Variants in ANKS1B observed in about 807,000 individuals in gnomAD.
ANKS1B encodes the protein ankyrin repeat and sterile alpha motif domain containing 1B.
In ANKS1B, 36 loss-of-function variants were observed where a neutral mutation model predicts 148.3. The ratio of observed to expected loss-of-function variants is 0.24; its 90% confidence interval spans 0.19 to 0.32. ANKS1B has a LOEUF of 0.32. ANKS1B is among the 10% of genes least tolerant of loss of function. The pLI is 1.00. For missense variants in ANKS1B, 1,157 were observed against 1,542.6 expected, an observed-to-expected ratio of 0.75 and a Z score of 4.19; for synonymous variants, 542 against 560.8, an observed-to-expected ratio of 0.97 and a Z score of 0.47.
intron 16 of ANKS1B, among the ~76,000 whole-genome samples, chr12:99,064,470 TA>T (rs56006251): frequency 0.53 from 81,146 of 152,020 alleles, 23,429 homozygotes; most frequent in East Asian, 0.74. Context: ...TCATCAGGGA[TA>T]GGGGCACGCC....
At chr12:99,946,411 A>G (rs1388178190) in intron 1 of ANKS1B, among the ~76,000 whole-genome samples, 3 of 152,260 alleles carry the variant, frequency 2.0e-5, no homozygotes, top group Non-Finnish European at 4.4e-5. Flanking sequence ...TGGTGTGCAG[A>G]TGGCCACCTT....
intron 25 of ANKS1B, among the ~76,000 whole-genome samples, chr12:98,752,412 C>G (rs1001607531): frequency 6.6e-6 from 1 of 152,100 alleles, no homozygotes; most frequent in Non-Finnish European, 1.5e-5. Context: ...GCACGTGCCA[C>G]CACGCCCAGC....
intron 9 of ANKS1B, among the ~76,000 whole-genome samples, chr12:99,576,094 G>A (rs1398093429): frequency 6.6e-6 from 1 of 152,040 alleles, no homozygotes; most frequent in Non-Finnish European, 1.5e-5. Context: ...GGCAGAGGTT[G>A]CTATTCTTAT....
chr12:99,659,668 GTGTA>G (rs2098466686), intron 8 of ANKS1B, among the ~76,000 whole-genome samples: 1 of 118,472 alleles, frequency 8.4e-6, no homozygotes, highest in African/African-American at 3.0e-5. Flanking sequence ...GTGTGCATGT[GTGTA>G]TGTGTAAATT....
chr12:99,574,833 C>G (rs79623418), intron 9 of ANKS1B, among the ~76,000 whole-genome samples: 2,094 of 152,132 alleles, frequency 0.014, 57 homozygotes, highest in African/African-American at 0.048. Flanking sequence ...TGATGAAAAG[C>G]TGAATGTTTT....
Position 99,314,659 on chromosome 12 carries a change from C to G in ANKS1B, c.1757-67795G>C, listed in dbSNP as rs182271707. Among the ~76,000 whole-genome samples, 367 of 152,160 alleles carry G rather than the reference C, an allele frequency of 2.4e-3. 1 individual carries two copies. The highest frequency in any genetic ancestry group is 3.6e-3 in the Non-Finnish European group (243 of 67,996). ...CTTTGACAAGCCTGACAAAAAAAAGCAATAGGGAAATGATTTCCTATTCAA... is the reference window on the plus strand; with the variant it reads ...CTTTGACAAGCCTGACAAAAAAAAGGAATAGGGAAATGATTTCCTATTCAA... On this transcript the variant is annotated intron_variant, in intron 12 of 26. Transcript: ENST00000683438.
intron 19 of ANKS1B, among the ~76,000 whole-genome samples, chr12:98,826,993 A>G (rs1422429644): frequency 6.6e-6 from 1 of 152,228 alleles, no homozygotes; most frequent in Non-Finnish European, 1.5e-5. Flanking sequence ...AAAAAAACAA[A>G]CATCAATTGA....
intron 12 of ANKS1B, among the ~76,000 whole-genome samples, chr12:99,277,479 T>C (rs1353268938): frequency 6.6e-6 from 1 of 152,192 alleles, no homozygotes; most frequent in African/African-American, 2.4e-5. Context: ...AAGAATATTG[T>C]TTATTGGAGA....
chr12:99,350,264 C>T (rs1045472749), intron 12 of ANKS1B, among the ~76,000 whole-genome samples: 3 of 152,020 alleles, frequency 2.0e-5, no homozygotes, highest in Non-Finnish European at 4.4e-5. Context: ...GCCTCTCCAG[C>T]TATGCTTCCT....
intron 17 of ANKS1B, 76 bp downstream of exon 17, chr12:99,053,081 C>T: frequency 7.4e-7 from 1 of 1,345,884 alleles, no homozygotes; most frequent in East Asian, 2.6e-5. Flanking sequence ...GATGTCCAAA[C>T]ACTTATAAAA....
intron 8 of ANKS1B, among the ~76,000 whole-genome samples, chr12:99,710,745 T>C (rs955700503): frequency 6.6e-6 from 1 of 152,064 alleles, no homozygotes; most frequent in African/African-American, 2.4e-5. Flanking sequence ...AAGTTCCTGT[T>C]TGCATTTCCG....
At chr12:99,798,006 T>C (rs1023823483) in intron 4 of ANKS1B, among the ~76,000 whole-genome samples, 10 of 151,898 alleles carry the variant, frequency 6.6e-5, no homozygotes, top group South Asian at 2.1e-4. Flanking sequence ...TCTAGATGTT[T>C]TAAAGTCGTT....
At chr12:99,524,219 A>G (rs912719985) in intron 9 of ANKS1B, among the ~76,000 whole-genome samples, 1 of 152,228 alleles carries the variant, frequency 6.6e-6, no homozygotes, top group African/African-American at 2.4e-5. Flanking sequence ...TGAAATCAGA[A>G]GAAAAATAAC....
At chr12:99,081,768 GT>G (rs1307180053) in intron 16 of ANKS1B, among the ~76,000 whole-genome samples, 1 of 152,024 alleles carries the variant, frequency 6.6e-6, no homozygotes, top group Non-Finnish European at 1.5e-5. Flanking sequence ...AGTTTCTCTT[GT>G]TTTGCATTAT....
intron 1 of ANKS1B, among the ~76,000 whole-genome samples, chr12:99,982,310 C>G (rs1229924922): frequency 1.4e-5 from 2 of 146,516 alleles, no homozygotes; most frequent in Non-Finnish European, 3.0e-5. Flanking sequence ...GTGTTTTATC[C>G]CTAAAACTTG....
At chr12:98,794,542 A>G in intron 22 of ANKS1B, 1 of 674,036 alleles carries the variant, frequency 1.5e-6, no homozygotes, top group South Asian at 1.5e-5. Context: ...CCATGGCAAG[A>G]TGTTCATCCG....
At chr12:99,515,486 T>C (rs2096808401) in intron 9 of ANKS1B, among the ~76,000 whole-genome samples, 1 of 152,162 alleles carries the variant, frequency 6.6e-6, no homozygotes, top group Non-Finnish European at 1.5e-5. Flanking sequence ...GTTCTATCCA[T>C]GTTGTTGCAA....
chr12:99,773,183 A>C (rs2063351055), intron 7 of ANKS1B, 95 bp from the exon 8 acceptor site: 5 of 973,870 alleles, frequency 5.1e-6, no homozygotes, highest in Non-Finnish European at 7.4e-6. Context: ...GATAGAACTC[A>C]AAATATAACA....
At position 98,773,204 on chromosome 12, in the gene ANKS1B, ATT is replaced by A. The variant is rs757201198; in HGVS notation, c.3442-27_3442-26del. On this transcript the variant is annotated intron_variant, in intron 24 of 26. Transcript: ENST00000683438. ...TCTGGAAGAAATGACATAAATGATC[ATT>A]GTTTTCCTCTGCGAACCAGCATATA... 12 of 1,586,510 alleles carry A rather than the reference ATT, an allele frequency of 7.6e-6. No individual in the cohort carries two copies. In the African/African-American group the frequency reaches 1.6e-4, roughly 21 times the overall value.
Sources: allele counts gnomAD v4.1 joint callset (sites outside exome capture counted in the v4.1 genomes callset), GRCh38; gene constraint gnomAD v4.1.1; transcripts MANE v1.5; gene names NCBI Gene and HGNC (gene_info 2026-07-23, HGNC 2026-07-21).